The following PUM1 variants were observed in gnomAD, a reference collection of about 807,000 sequenced individuals.
PUM1 encodes the protein pumilio homolog 1.
A neutral mutation model predicts 131.8 loss-of-function variants in PUM1; 13 were observed. That is an observed-to-expected ratio of 0.10 (90% CI 0.06 to 0.16). The LOEUF is 0.16. Among genes scored for constraint, PUM1 ranks in the 10% least tolerant of loss-of-function variants. The probability of loss-of-function intolerance (pLI) is 1.00; values close to 1 mark genes in which losing one functional copy is unlikely to be tolerated. For missense variants in PUM1, 961 were observed against 1,512.4 expected (o/e 0.64, Z 6.05); for synonymous variants, 509 against 556.5 (o/e 0.91, Z 1.20).
At chr1:31,021,934 C>T (rs1643042081) in intron 3 of PUM1, among the ~76,000 whole-genome samples, 1 of 151,794 alleles carries the variant, frequency 6.6e-6, no homozygotes, top group Admixed American at 6.6e-5. Flanking sequence ...TTCTCTAATC[C>T]TTGTTCACCC....
intron 14 of PUM1, among the ~76,000 whole-genome samples, chr1:30,962,913 T>A: frequency 6.6e-6 from 1 of 152,202 alleles, no homozygotes; most frequent in East Asian, 1.9e-4. Context: ...TAGTATGTAG[T>A]ATGGGATGAC....
intron 17 of PUM1, among the ~76,000 whole-genome samples, chr1:30,946,867 C>T (rs1236145850): frequency 1.3e-5 from 2 of 151,822 alleles, no homozygotes; most frequent in Non-Finnish European, 2.9e-5. Context: ...TACGGTAACA[C>T]CACCAGAAGC....
At chr1:31,064,704 G>A (rs921677596) in intron 1 of PUM1, among the ~76,000 whole-genome samples, 1 of 136,384 alleles carries the variant, frequency 7.3e-6, no homozygotes, top group Admixed American at 8.5e-5. Context: ...TCTAAGTTAC[G>A]GGAGAATAAA....
At chr1:31,009,782 A>AAAAAAACAAAAAC (rs375044466) in intron 3 of PUM1, among the ~76,000 whole-genome samples, 7,423 of 124,348 alleles carry the variant, frequency 0.06, 396 homozygotes, top group African/African-American at 0.085. Flanking sequence ...AAAAAAAAAA[A>AAAAAAACAAAAAC]AAAAACAAAA....
intron 2 of PUM1, among the ~76,000 whole-genome samples, chr1:31,031,750 A>G (rs1643439593): frequency 6.6e-6 from 1 of 152,010 alleles, no homozygotes; most frequent in African/African-American, 2.4e-5. Flanking sequence ...CTCTTCCCCT[A>G]CCTTCAAAAC....
intron 14 of PUM1, among the ~76,000 whole-genome samples, chr1:30,955,650 G>A (rs1640133071): frequency 6.6e-6 from 1 of 152,178 alleles, no homozygotes; most frequent in South Asian, 2.1e-4. Flanking sequence ...AAGTTTAGAT[G>A]AATAACAATT....
rs549829176 is a variant in PUM1, at chr1:30,967,738, G to C, written c.1646-428C>G. ...TAAATGGCTCAGTTAAATTGGCTAT[G>C]CTCTATGATCAGTAAAGGTCCATAA... On this transcript the variant is annotated intron_variant, in intron 11 of 21. Coordinates refer to ENST00000426105, the MANE Select transcript of PUM1 (RefSeq NM_001020658.2). Among the ~76,000 whole-genome samples, 9 of 152,252 alleles carry C rather than the reference G, an allele frequency of 5.9e-5. No individual in the cohort carries two copies. The South Asian group carries it at 1.9e-3, about 32-fold the overall frequency.
chr1:30,966,992 C>A, intron 12 of PUM1, 175 bp downstream of exon 12: 3 of 697,728 alleles, frequency 4.3e-6, no homozygotes, highest in Non-Finnish European at 6.4e-6. Flanking sequence ...AACCCCCCAA[C>A]AAAAAGGAGA....
At chr1:30,944,865 G>A (rs1374885570) in intron 18 of PUM1, among the ~76,000 whole-genome samples, 5 of 152,202 alleles carry the variant, frequency 3.3e-5, no homozygotes, top group African/African-American at 4.8e-5. Context: ...AAAGAAGACC[G>A]AGACCCAGAC....
intron 7 of PUM1, among the ~76,000 whole-genome samples, chr1:30,986,682 A>C (rs1641572733): frequency 6.6e-6 from 1 of 152,204 alleles, no homozygotes; most frequent in African/African-American, 2.4e-5. Context: ...TATTATTAAT[A>C]CTTTTTGAGA....
chr1:30,981,439 G>A (rs1411131383), intron 7 of PUM1, 34 bp from the exon 8 acceptor site: 2 of 1,379,226 alleles, frequency 1.5e-6, no homozygotes, highest in Admixed American at 2.0e-5. Context: ...TGTGGTTAGG[G>A]AAACTGTCTT....
chr1:31,063,026 A>G (rs1192638598), intron 1 of PUM1, among the ~76,000 whole-genome samples: 2 of 152,140 alleles, frequency 1.3e-5, no homozygotes, highest in Non-Finnish European at 2.9e-5. Flanking sequence ...CCAAAACCAA[A>G]AAGTCATAGC....
intron 3 of PUM1, among the ~76,000 whole-genome samples, chr1:31,010,138 G>C (rs1642555849): frequency 6.6e-6 from 1 of 152,096 alleles, no homozygotes; most frequent in African/African-American, 2.4e-5. Flanking sequence ...GAAAGCAAAA[G>C]ACTGAACCAA....
chr1:31,040,850 A>T (rs1259895730), intron 2 of PUM1, among the ~76,000 whole-genome samples: 1 of 152,192 alleles, frequency 6.6e-6, no homozygotes, highest in African/African-American at 2.4e-5. Context: ...TCCCAAAAGC[A>T]ACAGGAAAGA....
At chr1:31,055,409 C>G in intron 2 of PUM1, 1 of 456,270 alleles carries the variant, frequency 2.2e-6, no homozygotes, top group Non-Finnish European at 4.4e-6. Flanking sequence ...AAACACAAGT[C>G]TCTGATCTAG....
intron 7 of PUM1, among the ~76,000 whole-genome samples, chr1:30,984,996 T>C (rs2124474869): frequency 6.6e-6 from 1 of 152,254 alleles, no homozygotes; most frequent in East Asian, 1.9e-4. Flanking sequence ...ACTATATACA[T>C]AGCAGACAGG....
At chr1:30,982,638 G>C (rs990639420) in intron 7 of PUM1, among the ~76,000 whole-genome samples, 3 of 152,168 alleles carry the variant, frequency 2.0e-5, no homozygotes, top group Non-Finnish European at 2.9e-5. Context: ...CTCATAAAGA[G>C]ACCTGATTGT....
Position 30,966,095 on chromosome 1 carries a change from C to T in PUM1, c.1973G>A (p.Ser658Asn). 6.2e-7 allele frequency: 1 copy of T among 1,614,198 alleles called. No individual in the cohort carries two copies. Among genetic ancestry groups the T allele is most frequent in the Non-Finnish European group, 8.5e-7 (1 of 1,180,032 alleles). ...GGCAGAGCCCTGGGAGAAGAGGGAG[C>T]TGCTCTGTGAATTGCTGTTCAGAGA... ...NNSLNSNSQS[S>N]SLFSQGSAQP... The change falls in exon 13 of 22, where the codon AGC becomes AAC. Residue 658 changes from serine to asparagine, a missense_variant. Coordinates refer to ENST00000426105, the MANE Select transcript of PUM1 (RefSeq NM_001020658.2).
intron 2 of PUM1, among the ~76,000 whole-genome samples, chr1:31,053,574 G>C (rs1226084646): frequency 2.0e-5 from 3 of 150,506 alleles, no homozygotes; most frequent in Non-Finnish European, 4.4e-5. Context: ...CTGGGCTCAA[G>C]TGATCCTCCT....
Sources: gnomAD v4.1 joint callset for allele counts (sites outside exome capture counted in the v4.1 genomes callset) on GRCh38, gnomAD v4.1.1 for gene constraint, MANE v1.5 for transcripts, NCBI Gene and HGNC (gene_info 2026-07-23, HGNC 2026-07-21) for gene names.